TMEM132B: variants seen among roughly 807,000 people sequenced by gnomAD.
The protein encoded by TMEM132B is transmembrane protein 132B.
In TMEM132B, 18 loss-of-function variants were observed where a neutral mutation model predicts 90.8. That is an observed-to-expected ratio of 0.20 (90% CI 0.14 to 0.29). TMEM132B has a LOEUF of 0.29. TMEM132B is among the 10% of genes least tolerant of loss of function. The probability of loss-of-function intolerance (pLI) is 1.00; values close to 1 mark genes in which losing one functional copy is unlikely to be tolerated. For missense variants in TMEM132B, 1,096 were observed against 1,326.8 expected (o/e 0.83, Z 2.70); for synonymous variants, 504 against 523.3 (o/e 0.96, Z 0.50).
intron 4 of TMEM132B, among the ~76,000 whole-genome samples, chr12:125,567,009 A>C (rs1884675387): frequency 6.6e-6 from 1 of 151,710 alleles, no homozygotes; most frequent in Non-Finnish European, 1.5e-5. Flanking sequence ...ACACCGGCTA[A>C]TTTTTGTATT....
chr12:125,635,715 A>G (rs1047277925), intron 5 of TMEM132B, among the ~76,000 whole-genome samples: 1 of 152,212 alleles, frequency 6.6e-6, no homozygotes, highest in Non-Finnish European at 1.5e-5. Context: ...AGAAATCACC[A>G]TACTGTCTTC....
At chr12:125,568,917 G>A (rs1415817652) in intron 4 of TMEM132B, among the ~76,000 whole-genome samples, 1 of 152,172 alleles carries the variant, frequency 6.6e-6, no homozygotes, top group Non-Finnish European at 1.5e-5. Flanking sequence ...TGACCTCGAT[G>A]ACCACAGCAA....
intron 1 of TMEM132B, among the ~76,000 whole-genome samples, chr12:125,289,268 A>T (rs1207886676): frequency 3.3e-5 from 5 of 152,230 alleles, no homozygotes; most frequent in Non-Finnish European, 7.3e-5. Context: ...TGGCCTTTCA[A>T]GAAGGTTCTT....
At chr12:125,580,541 A>G (rs960338500) in intron 4 of TMEM132B, among the ~76,000 whole-genome samples, 2 of 152,196 alleles carry the variant, frequency 1.3e-5, no homozygotes, top group Admixed American at 1.3e-4. Flanking sequence ...TTTACTGTCA[A>G]TGTAGGCTGT....
intron 5 of TMEM132B, among the ~76,000 whole-genome samples, chr12:125,639,701 G>A (rs776753288): frequency 6.6e-6 from 1 of 152,202 alleles, no homozygotes; most frequent in Admixed American, 6.5e-5. Context: ...AAGTAATGGA[G>A]CAATGTTGTA....
At chr12:125,550,642 A>C (rs931290423) in intron 4 of TMEM132B, among the ~76,000 whole-genome samples, 3 of 152,196 alleles carry the variant, frequency 2.0e-5, no homozygotes, top group South Asian at 2.1e-4. Flanking sequence ...GAATGAAAGA[A>C]TATTCTTTTT....
At chr12:125,299,686 G>T (rs1481095789) in intron 1 of TMEM132B, among the ~76,000 whole-genome samples, 1 of 152,170 alleles carries the variant, frequency 6.6e-6, no homozygotes, top group African/African-American at 2.4e-5. Flanking sequence ...TTTTCCAGAC[G>T]CATGTCACCA....
At chr12:125,431,975 C>A (rs554910224) in intron 3 of TMEM132B, among the ~76,000 whole-genome samples, 1 of 152,058 alleles carries the variant, frequency 6.6e-6, no homozygotes, top group African/African-American at 2.4e-5. Context: ...TCGCTTTTGC[C>A]ATGTGTGAAA....
At chr12:125,233,503 C>T (rs776923531) in intron 1 of TMEM132B, among the ~76,000 whole-genome samples, 3 of 152,216 alleles carry the variant, frequency 2.0e-5, no homozygotes, top group Non-Finnish European at 4.4e-5. Flanking sequence ...CCACCCCATG[C>T]TTTTACTTAT....
At chr12:125,283,303 G>A (rs1875251570) in intron 1 of TMEM132B, among the ~76,000 whole-genome samples, 1 of 152,140 alleles carries the variant, frequency 6.6e-6, no homozygotes. Context: ...TTCTAGCCAA[G>A]TTTTTGAGCT....
rs140099900 is a variant in TMEM132B, at chr12:125,391,237, G to A, written c.960-24294G>A. Among the ~76,000 whole-genome samples the A allele has an allele frequency of 6.6e-3, 999 of 152,268 alleles. 15 individuals carry two copies. The highest frequency in any genetic ancestry group is 0.023 in the African/African-American group (943 of 41,546). The stretch of plus-strand genomic sequence containing the variant: ...AGTGCCCTCAGGCTGCAGGTCATCC[G>A]CGGTTAAGTTCGTGTCAAGGTATGT... On this transcript the variant is annotated intron_variant, in intron 2 of 8. Coordinates refer to ENST00000682704, the MANE Select transcript of TMEM132B (RefSeq NM_001366854.1).
intron 3 of TMEM132B, among the ~76,000 whole-genome samples, chr12:125,421,522 C>T (rs1219710529): frequency 6.6e-6 from 1 of 152,224 alleles, no homozygotes; most frequent in African/African-American, 2.4e-5. Context: ...TCAGTTACCT[C>T]CCACTGGGTC....
At chr12:125,224,658 G>A (rs1337866265) in intron 1 of TMEM132B, among the ~76,000 whole-genome samples, 1 of 152,214 alleles carries the variant, frequency 6.6e-6, no homozygotes, top group Non-Finnish European at 1.5e-5. Context: ...ACGCTTAGAG[G>A]TGCACTTAGA....
At position 125,613,313 on chromosome 12, in the gene TMEM132B, T is replaced by C. The variant is rs1191013360; in HGVS notation, c.1437+29319T>C. On this transcript the variant is annotated intron_variant, in intron 5 of 8. Transcript: ENST00000682704. ...TACATGTGTAGTAATCACATCAGAG[T>C]AAATGGGATATCCACAACCGAATTT... Among the ~76,000 whole-genome samples the C allele has an allele frequency of 2.7e-5, 4 of 147,220 alleles. No homozygotes were observed. The Admixed American group carries it at 2.8e-4, about 10-fold the overall frequency.
At chr12:125,283,096 G>A (rs970854952) in intron 1 of TMEM132B, among the ~76,000 whole-genome samples, 1 of 152,110 alleles carries the variant, frequency 6.6e-6, no homozygotes, top group Non-Finnish European at 1.5e-5. Context: ...GCGCACAACT[G>A]TATGCAATTT....
rs1443388237 is a variant in TMEM132B at position 125,654,794 on chromosome 12, G to A, written c.*84G>A. The A allele has an allele frequency of 6.9e-7, 1 of 1,455,356 alleles. No homozygotes were observed. The highest frequency in any genetic ancestry group is 2.1e-5 in the Admixed American group (1 of 47,342). The allele number at this position is 1,455,356 out of a possible 1,614,324, so 90.2% of individuals were successfully genotyped here. ...GTGAGTTTGATCAGCAATAGGGGAT[G>A]ATTTAACAAAGTTTGATTTGTGGAG... On this transcript the variant is annotated 3_prime_UTR_variant, in exon 9 of 9. Transcript: ENST00000682704. This position sits in a 1 kb window ranked among gnomAD's most constrained non-coding sequence, Gnocchi z 5.8.
At chr12:125,424,483 TTTGTTTGCGAATGTTTTTCCCTAC>T (rs1231053978) in intron 3 of TMEM132B, among the ~76,000 whole-genome samples, 3 of 152,228 alleles carry the variant, frequency 2.0e-5, no homozygotes, top group Non-Finnish European at 4.4e-5. Context: ...TTTTCCTGTG[TTTGTTTGCGAATGTTTTTCCCTAC>T]TTGGTTGCCT....
chr12:125,363,549 A>G (rs1256118923), intron 2 of TMEM132B, among the ~76,000 whole-genome samples: 2 of 152,184 alleles, frequency 1.3e-5, no homozygotes, highest in East Asian at 3.9e-4. Flanking sequence ...GGCCTGAGTG[A>G]AATAGGGTTG....
chr12:125,257,564 A>T (rs984083394), intron 1 of TMEM132B, among the ~76,000 whole-genome samples: 6 of 152,184 alleles, frequency 3.9e-5, no homozygotes, highest in South Asian at 2.1e-4. Context: ...ATGGTGTGGT[A>T]GGCTGAATAA....
Sources: allele counts gnomAD v4.1 joint callset (sites outside exome capture counted in the v4.1 genomes callset), GRCh38; gene constraint gnomAD v4.1.1; non-coding constraint Gnocchi (gnomAD v3.1); transcripts MANE v1.5; gene names NCBI Gene and HGNC (gene_info 2026-07-23, HGNC 2026-07-21).